The following CUL1 variants were observed in gnomAD, a reference collection of about 807,000 sequenced individuals.
CUL1 encodes cullin 1.
In CUL1, 24 loss-of-function variants were observed where a neutral mutation model predicts 118.0. The observed-to-expected ratio is 0.20, with a 90% CI of 0.15 to 0.29. The LOEUF (loss-of-function observed/expected upper bound fraction) is 0.29. Ranked by LOEUF, CUL1 falls within the 10% of genes least tolerant of loss-of-function variation. CUL1 has a pLI of 1.00. For missense variants in CUL1, 361 were observed against 933.8 expected (o/e 0.39, Z 7.99); for synonymous variants, 332 against 340.4 (o/e 0.98, Z 0.27).
intron 1 of CUL1, among the ~76,000 whole-genome samples, chr7:148,705,153 G>T (rs928489841): frequency 1.3e-5 from 2 of 152,062 alleles, no homozygotes; most frequent in African/African-American, 4.8e-5. Context: ...CCATGAAACT[G>T]TCCTAATCTC....
chr7:148,791,225 C>G (rs1800997145), intron 16 of CUL1, among the ~76,000 whole-genome samples: 1 of 152,172 alleles, frequency 6.6e-6, no homozygotes, highest in South Asian at 2.1e-4. Context: ...ACTGAGTGGT[C>G]TTCACAAGTA....
intron 1 of CUL1, among the ~76,000 whole-genome samples, chr7:148,727,939 T>A (rs140228237): frequency 1.4e-3 from 211 of 152,208 alleles, no homozygotes; most frequent in African/African-American, 4.7e-3. Flanking sequence ...TATTCAGAAT[T>A]AGGATGACAC....
intron 17 of CUL1, 146 bp from the exon 18 acceptor site, chr7:148,797,666 C>CT (rs1801250381): frequency 7.8e-6 from 5 of 642,740 alleles, no homozygotes; most frequent in South Asian, 2.1e-5. Context: ...GAAGTACCAA[C>CT]TTTTTTTTCC....
In CUL1 at chr7:148,725,198, T is replaced by TACACACAC. The variant is rs147863334; in HGVS notation, c.-161-4757_-161-4750dup. 2.8e-3 allele frequency among the ~76,000 whole-genome samples: 300 copies of TACACACAC among 106,824 alleles called. 5 individuals carry two copies. Among genetic ancestry groups the TACACACAC allele is most frequent in the African/African-American group, 8.8e-3 (276 of 31,542 alleles). 70.1% of individuals were successfully genotyped at this position (106,824 alleles called of 152,430 possible). A position where few individuals can be genotyped will look rare whatever the true frequency, so the allele number is the denominator to read the frequency against. Reference sequence around the variant, plus strand: ...GGCATGCAGCGCACATGCGCGCGTGTACACACACACACACGCGCGCGCTCA... The same window carrying TACACACAC: ...GGCATGCAGCGCACATGCGCGCGTGTACACACACACACACACACACACGCGCGCGCTCA... On this transcript the variant is annotated intron_variant, in intron 1 of 21. Transcript: ENST00000325222.
chr7:148,782,323 TGAAGATTAA>T (rs1376126372), intron 9 of CUL1, among the ~76,000 whole-genome samples: 3 of 152,234 alleles, frequency 2.0e-5, no homozygotes, highest in African/African-American at 7.2e-5. Context: ...TGGTTCACTC[TGAAGATTAA>T]GACCATCCAG....
At chr7:148,702,650 G>A (rs952408721) in intron 1 of CUL1, among the ~76,000 whole-genome samples, 1 of 152,160 alleles carries the variant, frequency 6.6e-6, no homozygotes, top group Non-Finnish European at 1.5e-5. Flanking sequence ...CAGCGCTATT[G>A]CAGTTCCATT....
rs893144276 is a variant in CUL1 at position 148,766,801 on chromosome 7, G to A, written c.952+78G>A. Reference sequence around the variant, plus strand: ...ATATTGCTTTTGATTCTAGACTCTCGAGTCAACGGCATTACTTGCCCATGT... The same window carrying A: ...ATATTGCTTTTGATTCTAGACTCTCAAGTCAACGGCATTACTTGCCCATGT... On this transcript the variant is annotated intron_variant, in intron 8 of 21. Coordinates refer to ENST00000325222, the MANE Select transcript of CUL1 (RefSeq NM_003592.3). The A allele has an allele frequency of 3.2e-6, 4 of 1,243,424 alleles. No homozygotes were observed. In the African/African-American group the frequency reaches 4.5e-5, roughly 14 times the overall value. 77.0% of individuals were successfully genotyped at this position (1,243,424 alleles called of 1,614,324 possible).
At chr7:148,731,479 C>T (rs1293466622) in intron 2 of CUL1, among the ~76,000 whole-genome samples, 4 of 152,186 alleles carry the variant, frequency 2.6e-5, no homozygotes, top group Non-Finnish European at 5.9e-5. Flanking sequence ...CATATTTATA[C>T]ATGTATATAC....
At chr7:148,797,437 C>T (rs549508803) in intron 17 of CUL1, among the ~76,000 whole-genome samples, 4 of 148,844 alleles carry the variant, frequency 2.7e-5, no homozygotes, top group East Asian at 2.0e-4. Context: ...GTTGAAATTT[C>T]GGATTTTCCA....
chr7:148,716,618 A>T (rs1246170928), intron 1 of CUL1, among the ~76,000 whole-genome samples: 1 of 151,942 alleles, frequency 6.6e-6, no homozygotes, highest in African/African-American at 2.4e-5. Context: ...TTAGCCTCCC[A>T]ATTTTTCTTC....
In CUL1 at chr7:148,799,348, A is replaced by T; in HGVS notation, c.2210A>T (p.Gln737Leu). The T allele has an allele frequency of 1.9e-6, 3 of 1,614,126 alleles. No individual in the cohort carries two copies. The highest frequency in any genetic ancestry group is 2.5e-6 in the Non-Finnish European group (3 of 1,179,962). Residue 737 changes from glutamine (Q) to leucine (L), a missense_variant, in exon 21 of 22, where the codon CAG becomes CTG. Physicochemically the swap from Gln to Leu is moderately radical, Grantham distance 113 (BLOSUM62 -2). Around this residue, in one of 7 missense-constraint regions of CUL1, gnomAD observed 24 missense variants for 126.7 expected, o/e 0.19. Transcript: ENST00000325222. ...CAGTTACTTGGCGAGGTCCTCACTC[A>T]GCTGTCCTCCAGGTTCAAACCTCGA... is the stretch of plus-strand genomic sequence containing the variant. ...HQQLLGEVLT[Q>L]LSSRFKPRVP...
intron 17 of CUL1, among the ~76,000 whole-genome samples, chr7:148,793,541 A>G (rs530164774): frequency 3.9e-5 from 6 of 152,326 alleles, no homozygotes; most frequent in East Asian, 3.9e-4. Context: ...ATGGAATCAT[A>G]TAACACATGA....
At chr7:148,777,376 C>T (rs1020527268) in intron 9 of CUL1, among the ~76,000 whole-genome samples, 1 of 152,256 alleles carries the variant, frequency 6.6e-6, no homozygotes, top group Non-Finnish European at 1.5e-5. Context: ...AAAGGTTGGA[C>T]GTGGTGGCTC....
At chr7:148,749,415 C>CA (rs61460309) in intron 2 of CUL1, among the ~76,000 whole-genome samples, 3,797 of 56,356 alleles carry the variant, frequency 0.067, 382 homozygotes, top group Admixed American at 0.13. Context: ...GACTCCATCT[C>CA]AAAAAAAAAA....
At chr7:148,749,697 A>AC (rs1799424147) in intron 2 of CUL1, among the ~76,000 whole-genome samples, 1 of 152,084 alleles carries the variant, frequency 6.6e-6, no homozygotes, top group African/African-American at 2.4e-5. Flanking sequence ...CCAGTTGATA[A>AC]CCCCCACAAT....
Position 148,787,472 on chromosome 7 carries a change from A to T in CUL1, c.1479+352A>T, listed in dbSNP as rs1800854764. The stretch of plus-strand genomic sequence containing the variant: ...GTGAGACTCTGTCTCAGAAAAAAAT[A>T]AAAAAGCTCTTAGTCTCTCCAGGTT... On this transcript the variant is annotated intron_variant, in intron 13 of 21. Coordinates refer to ENST00000325222, the MANE Select transcript of CUL1 (RefSeq NM_003592.3). This position sits in a 1 kb window ranked among gnomAD's most constrained non-coding sequence, Gnocchi z 5.5. Among the ~76,000 whole-genome samples the T allele has an allele frequency of 6.6e-6, 1 of 152,102 alleles. No individual in the cohort carries two copies. Among genetic ancestry groups the T allele is most frequent in the Non-Finnish European group, 1.5e-5 (1 of 68,002 alleles).
At chr7:148,768,291 G>A (rs374269041) in intron 9 of CUL1, among the ~76,000 whole-genome samples, 45 of 151,304 alleles carry the variant, frequency 3.0e-4, no homozygotes, top group Non-Finnish European at 2.4e-4. Flanking sequence ...AAATAATTGC[G>A]TTTTTAAGAC....
chr7:148,699,640 A>G (rs891882334), intron 1 of CUL1, among the ~76,000 whole-genome samples: 3 of 152,038 alleles, frequency 2.0e-5, no homozygotes, highest in African/African-American at 7.2e-5. Flanking sequence ...ATTGTTGCGA[A>G]CGTGCAGGGC....
At chr7:148,723,789 CT>C (rs3059219) in intron 1 of CUL1, among the ~76,000 whole-genome samples, 72 of 145,118 alleles carry the variant, frequency 5.0e-4, no homozygotes, top group Middle Eastern at 3.6e-3. Context: ...CAGCACAGAT[CT>C]TTTTTTTTTT....
Sources: allele counts gnomAD v4.1 joint callset (sites outside exome capture counted in the v4.1 genomes callset), GRCh38; gene constraint gnomAD v4.1.1; regional missense constraint gnomAD v4.1.1; non-coding constraint Gnocchi (gnomAD v3.1); transcripts MANE v1.5; gene names NCBI Gene and HGNC (gene_info 2026-07-23, HGNC 2026-07-21).